SOAT1: variants seen among roughly 807,000 people sequenced by gnomAD.
The protein encoded by SOAT1 is sterol O-acyltransferase 1, also known as acyl-coenzyme A:cholesterol acyltransferase 1.
A neutral mutation model predicts 69.5 loss-of-function variants in SOAT1; 55 were observed. The observed-to-expected ratio is 0.79, with a 90% confidence interval of 0.64 to 0.99. The LOEUF (loss-of-function observed/expected upper bound fraction) is 0.99, where lower values mean the gene tolerates loss of function less well. Among genes scored for constraint, SOAT1 ranks in the 50% least tolerant of loss-of-function variants. The pLI, the probability that SOAT1 is intolerant of heterozygous loss-of-function variation, is 0.00. For synonymous variants in SOAT1, 231 were observed against 224.7 expected, an observed-to-expected ratio of 1.03 and a Z score of -0.25; for missense variants, 580 against 669.3, an observed-to-expected ratio of 0.87 and a Z score of 1.47.
chr1:179,304,729 A>G (rs1054002325), intron 2 of SOAT1, among the ~76,000 whole-genome samples: 5 of 151,604 alleles, frequency 3.3e-5, no homozygotes, highest in Middle Eastern at 3.4e-3. Context: ...GCTTACTGCA[A>G]CCTCCACCTC....
In SOAT1 at chr1:179,334,244, G is replaced by A. The variant is rs553746571; in HGVS notation, c.178-1262G>A. ...TTTATGTATAGGTGGTGGGGGTTTC[G>A]CATATGTAAAATTATGTTACGTTTG... is the stretch of plus-strand genomic sequence containing the variant. On this transcript the variant is annotated intron_variant, in intron 3 of 15. Transcript: ENST00000367619. 7.9e-5 allele frequency among the ~76,000 whole-genome samples: 12 copies of A among 152,206 alleles called. No homozygotes were observed. The East Asian group carries it at 2.1e-3, about 27-fold the overall frequency.
At chr1:179,339,348 C>T in intron 5 of SOAT1, 90 bp from the exon 6 acceptor site, 1 of 799,070 alleles carries the variant, frequency 1.3e-6, no homozygotes, top group Non-Finnish European at 1.9e-6. Flanking sequence ...TTCTCAACTG[C>T]TTTAAGTTAA....
intron 2 of SOAT1, among the ~76,000 whole-genome samples, chr1:179,321,691 A>G (rs1253739863): frequency 6.6e-6 from 1 of 152,078 alleles, no homozygotes; most frequent in Non-Finnish European, 1.5e-5. Context: ...TCTCTGGGCT[A>G]TCCTCTGTAT....
chr1:179,357,089 A>C lies in SOAT1; in HGVS notation c.*3448A>C, dbSNP rs1040099980. On this transcript the variant is annotated 3_prime_UTR_variant, in exon 16 of 16. Coordinates refer to ENST00000367619, the MANE Select transcript of SOAT1 (RefSeq NM_003101.6). ...ACAATGCTACATATGGTATGTATACATACACTGTATACACACAAAGGTCTG... is the reference window on the plus strand; with the variant it reads ...ACAATGCTACATATGGTATGTATACCTACACTGTATACACACAAAGGTCTG... 1 of 152,268 alleles carries C rather than the reference A, an allele frequency of 6.6e-6. No individual in the cohort carries two copies. Among genetic ancestry groups the C allele is most frequent in the Non-Finnish European group, 1.5e-5 (1 of 68,092 alleles). The allele number at this position is 152,268 out of a possible 1,614,324, so 9.4% of individuals were successfully genotyped here. A position where few individuals can be genotyped will look rare whatever the true frequency, so the allele number is the denominator to read the frequency against.
rs71901753 is a variant in SOAT1 at position 179,351,721 on chromosome 1, A to ATTTTTTTTTTTTTTTTTTTTTTTTTTT, written c.1596+275_1596+276insTTTTTTTTTTTTTTTTTTTTTTTTTTT. Among the ~76,000 whole-genome samples the ATTTTTTTTTTTTTTTTTTTTTTTTTTT allele has an allele frequency of 7.8e-4, 83 of 106,442 alleles. 7 individuals are homozygous for ATTTTTTTTTTTTTTTTTTTTTTTTTTT. The highest frequency in any genetic ancestry group is 1.1e-3 in the Non-Finnish European group (60 of 56,070). The allele number at this position is 106,442 out of a possible 152,430, so 69.8% of individuals were successfully genotyped here. On this transcript the variant is annotated intron_variant, in intron 15 of 15. Transcript: ENST00000367619. ...ACTGCCTTTTCTTCAGCCCCTTCTA[A>ATTTTTTTTTTTTTTTTTTTTTTTTTTT]TTTTTTTTTTTTTTTTGAGACAGAG...
Position 179,337,867 on chromosome 1 carries a change from G to GATTTTT in SOAT1, c.364_369dup (p.Phe122_Ile123dup). ...TGAGAGCACCTCCAGAACAAGGAAA[G>GATTTTT]ATTTTTATTGCAAGGCGCTCTCTCT... On this transcript the variant is annotated inframe_insertion, in exon 5 of 16. Coordinates refer to ENST00000367619, the MANE Select transcript of SOAT1 (RefSeq NM_003101.6). 6.2e-7 allele frequency: 1 copy of GATTTTT among 1,610,654 alleles called. No individual in the cohort carries two copies. Among genetic ancestry groups the GATTTTT allele is most frequent in the Non-Finnish European group, 8.5e-7 (1 of 1,178,382 alleles).
rs571333620 is a variant in SOAT1 at position 179,313,661 on chromosome 1, C to T, written c.119-9776C>T. 6.5e-4 allele frequency among the ~76,000 whole-genome samples: 99 copies of T among 151,944 alleles called. 1 individual carries two copies. The highest frequency in any genetic ancestry group is 6.8e-3 in the Middle Eastern group (2 of 294). On this transcript the variant is annotated intron_variant, in intron 2 of 15. Transcript: ENST00000367619. ...GTGCAATGGTGCTATCTCTGCTCACCGCAACCTCCGCCTCCCAGGTCCAAG... is the reference window on the plus strand; with the variant it reads ...GTGCAATGGTGCTATCTCTGCTCACTGCAACCTCCGCCTCCCAGGTCCAAG...
At chr1:179,307,607 C>A (rs1665051287) in intron 2 of SOAT1, among the ~76,000 whole-genome samples, 1 of 150,048 alleles carries the variant, frequency 6.7e-6, no homozygotes. Flanking sequence ...TTGCAGACTT[C>A]AAAAAAAAAT....
Position 179,342,780 on chromosome 1 carries a change from T to A in SOAT1, c.860-82T>A, listed in dbSNP as rs895216289. 4.2e-6 allele frequency: 4 copies of A among 951,990 alleles called. No individual in the cohort carries two copies. The African/African-American group carries it at 4.8e-5, about 12-fold the overall frequency. 59.0% of individuals were successfully genotyped at this position (951,990 alleles called of 1,614,324 possible). A position where few individuals can be genotyped will look rare whatever the true frequency, so the allele number is the denominator to read the frequency against. On this transcript the variant is annotated intron_variant, in intron 8 of 15. Coordinates refer to ENST00000367619, the MANE Select transcript of SOAT1 (RefSeq NM_003101.6). ...TAAGTCATTTTATTCTTCCCTGTTC[T>A]GTGCTTCCTTATATTCCCCCCTGTA...
At chr1:179,296,032 GCTGGTCTCGAA>G (rs1239699394) in intron 1 of SOAT1, among the ~76,000 whole-genome samples, 3 of 128,650 alleles carry the variant, frequency 2.3e-5, no homozygotes, top group African/African-American at 9.1e-5. Context: ...TACTGGTCAG[GCTGGTCTCGAA>G]CTTCCAACCT....
chr1:179,353,651 C>G lies in SOAT1; in HGVS notation c.*10C>G, dbSNP rs776814243. The G allele has an allele frequency of 6.2e-7, 1 of 1,610,386 alleles. No homozygotes were observed. The highest frequency in any genetic ancestry group is 1.1e-5 in the South Asian group (1 of 90,926). ...TCGTTACGTGTTTTAGAAGCTTGGA[C>G]TTTGTTTCCTCCTTGTCACTGAAGA... On this transcript the variant is annotated 3_prime_UTR_variant, in exon 16 of 16. Coordinates refer to ENST00000367619, the MANE Select transcript of SOAT1 (RefSeq NM_003101.6).
At position 179,335,601 on chromosome 1, in the gene SOAT1, G is replaced by T; in HGVS notation, c.273G>T (p.Gly91=). ...AGTCAGCATCATTAGATAATGGTGG[G>T]TGCGCTCTCACAACCTTTTCTGTTC... The part of the protein sequence containing the change: ...IEKSASLDNG[G]CALTTFSVLE... Residue 91 remains glycine, a synonymous_variant, in exon 4 of 16, where the codon GGG becomes GGT. Transcript: ENST00000367619. 6.2e-7 allele frequency: 1 copy of T among 1,613,932 alleles called. No individual in the cohort carries two copies. Among genetic ancestry groups the T allele is most frequent in the South Asian group, 1.1e-5 (1 of 91,060 alleles).
At chr1:179,327,794 A>G (rs2124972373) in intron 3 of SOAT1, among the ~76,000 whole-genome samples, 1 of 152,324 alleles carries the variant, frequency 6.6e-6, no homozygotes, top group Middle Eastern at 3.4e-3. Flanking sequence ...CAAACCTTTT[A>G]GTCTGAAGGG....
intron 1 of SOAT1, among the ~76,000 whole-genome samples, 182 bp downstream of exon 1, chr1:179,294,118 C>G (rs1664546918): frequency 1.3e-5 from 2 of 152,194 alleles, no homozygotes; most frequent in African/African-American, 4.8e-5. Context: ...GGGAAAGTTA[C>G]CGTCAGGCGC....
At chr1:179,331,106 G>T (rs530744288) in intron 3 of SOAT1, among the ~76,000 whole-genome samples, 1 of 152,312 alleles carries the variant, frequency 6.6e-6, no homozygotes, top group Admixed American at 6.5e-5. Flanking sequence ...TGCTATGCAA[G>T]TGTGACTATA....
chr1:179,313,655 GCTCACCGCAAC>G (rs1665296767), intron 2 of SOAT1, among the ~76,000 whole-genome samples: 1 of 151,946 alleles, frequency 6.6e-6, no homozygotes, highest in South Asian at 2.1e-4. Context: ...TGCTATCTCT[GCTCACCGCAAC>G]CTCCGCCTCC....
chr1:179,297,139 G>C (rs543597058), intron 1 of SOAT1, among the ~76,000 whole-genome samples: 1 of 152,300 alleles, frequency 6.6e-6, no homozygotes, highest in South Asian at 2.1e-4. Flanking sequence ...TCAGCACTTT[G>C]TTACCTGCTT....
intron 9 of SOAT1, 94 bp from the exon 10 acceptor site, chr1:179,343,496 A>G (rs1258766632): frequency 1.9e-6 from 2 of 1,073,566 alleles, no homozygotes; most frequent in Non-Finnish European, 2.8e-6. Flanking sequence ...GGTGTGAGCC[A>G]CCGCGCCTGA....
chr1:179,351,718 C>T (rs1666740946), intron 15 of SOAT1, among the ~76,000 whole-genome samples: 2 of 61,086 alleles, frequency 3.3e-5, no homozygotes, highest in Non-Finnish European at 3.0e-5. Flanking sequence ...TCAGCCCCTT[C>T]TAATTTTTTT....
Sources: gnomAD v4.1 joint callset for allele counts (sites outside exome capture counted in the v4.1 genomes callset) on GRCh38, gnomAD v4.1.1 for gene constraint, MANE v1.5 for transcripts, NCBI Gene and HGNC (gene_info 2026-07-23, HGNC 2026-07-21) for gene names.